Variants in SLCO1A2 observed in about 807,000 individuals in gnomAD.
SLCO1A2 encodes the protein solute carrier organic anion transporter family member 1A2.
A neutral mutation model predicts 69.0 loss-of-function variants in SLCO1A2; 67 were observed. The ratio of observed to expected loss-of-function variants is 0.97; its 90% CI spans 0.80 to 1.19. The LOEUF is 1.19. Among genes scored for constraint, SLCO1A2 ranks in the 50% most tolerant of loss-of-function variants. The pLI is 0.00. For synonymous variants in SLCO1A2, 260 were observed against 265.9 expected (o/e 0.98, Z 0.22); for missense variants, 787 against 793.7 (o/e 0.99, Z 0.10).
At chr12:21,305,226 C>T (rs191582385) in intron 5 of SLCO1A2, among the ~76,000 whole-genome samples, 2 of 152,268 alleles carry the variant, frequency 1.3e-5, no homozygotes, top group Admixed American at 1.3e-4. Flanking sequence ...GTAACAAAGA[C>T]TAGACCAAAG....
At chr12:21,316,819 T>C (rs1950924723) in intron 3 of SLCO1A2, among the ~76,000 whole-genome samples, 1 of 152,162 alleles carries the variant, frequency 6.6e-6, no homozygotes, top group Non-Finnish European at 1.5e-5. Context: ...GCCCAGATAG[T>C]TCCCCAGTGC....
chr12:21,299,849 TAC>T lies in SLCO1A2; in HGVS notation c.910+497_910+498del, dbSNP rs1948404369. Among the ~76,000 whole-genome samples the T allele has an allele frequency of 2.1e-5, 3 of 140,540 alleles. No individual in the cohort carries two copies. The South Asian group carries it at 6.6e-4, about 31-fold the overall frequency. The allele number at this position is 140,540 out of a possible 152,430, so 92.2% of individuals were successfully genotyped here. ...ACACACACATATATGTGTATATATATACGTGTATATATATATACGTGTGTGTA... is the reference window on the plus strand; with the variant it reads ...ACACACACATATATGTGTATATATATGTGTATATATATATACGTGTGTGTA... On this transcript the variant is annotated intron_variant, in intron 8 of 14. Coordinates refer to ENST00000683939, the MANE Select transcript of SLCO1A2 (RefSeq NM_001386879.1).
rs1242213132 is a variant in SLCO1A2 at position 21,264,944 on chromosome 12, C to T, written c.*4604G>A. 1 of 152,530 alleles carries T rather than the reference C, an allele frequency of 6.6e-6. No homozygotes were observed. Among genetic ancestry groups the T allele is most frequent in the African/African-American group, 2.4e-5 (1 of 41,566 alleles). The allele number at this position is 152,530 out of a possible 1,614,324, so 9.4% of individuals were successfully genotyped here. On this transcript the variant is annotated 3_prime_UTR_variant, in exon 15 of 15. Transcript: ENST00000683939. The stretch of plus-strand genomic sequence containing the variant: ...ACAATGGAGGCACTGCCCATCTTCC[C>T]ATGACTCTCTGAAACAGGCATGATG...
intron 14 of SLCO1A2, among the ~76,000 whole-genome samples, chr12:21,270,717 T>C (rs1942650141): frequency 7.7e-6 from 1 of 129,512 alleles, no homozygotes; most frequent in Non-Finnish European, 1.6e-5. Flanking sequence ...TCTGGTAATA[T>C]ATAATTAATT....
intron 9 of SLCO1A2, among the ~76,000 whole-genome samples, chr12:21,296,018 A>G (rs916132524): frequency 6.6e-6 from 1 of 152,198 alleles, no homozygotes; most frequent in Non-Finnish European, 1.5e-5. Context: ...TTATTATATT[A>G]TCATTCATTT....
upstream of SLCO1A2, among the ~76,000 whole-genome samples, chr12:21,395,865 C>T (rs1356452386): frequency 1.3e-5 from 2 of 152,072 alleles, no homozygotes; most frequent in Middle Eastern, 3.4e-3. Context: ...CACCAAAAAC[C>T]CATCTGTACA....
intron 1 of SLCO1A2, among the ~76,000 whole-genome samples, chr12:21,376,718 A>G (rs1243640859): frequency 6.6e-6 from 1 of 152,076 alleles, no homozygotes; most frequent in Non-Finnish European, 1.5e-5. Flanking sequence ...GGCTATCTCT[A>G]CTTAGAGATA....
At chr12:21,353,898 T>A (rs189880094) in intron 2 of SLCO1A2, among the ~76,000 whole-genome samples, 1 of 152,290 alleles carries the variant, frequency 6.6e-6, no homozygotes, top group East Asian at 1.9e-4. Flanking sequence ...AGTAAGTAAT[T>A]TTTTAACTTC....
chr12:21,337,084 CAAAT>C (rs1177639927), upstream of SLCO1A2, among the ~76,000 whole-genome samples: 24 of 152,104 alleles, frequency 1.6e-4, no homozygotes, highest in African/African-American at 5.5e-4. Flanking sequence ...AAAAAACACA[CAAAT>C]AAGAGGAACT....
chr12:21,413,416 AT>A (rs1941943760), intron 1 of SLCO1A2, among the ~76,000 whole-genome samples: 1 of 150,930 alleles, frequency 6.6e-6, no homozygotes, highest in South Asian at 2.1e-4. Flanking sequence ...TAATTTTTGT[AT>A]TTTTAGTAGA....
chr12:21,370,980 G>C (rs1253755384), intron 2 of SLCO1A2, among the ~76,000 whole-genome samples: 2 of 152,224 alleles, frequency 1.3e-5, no homozygotes, highest in Non-Finnish European at 2.9e-5. Flanking sequence ...CGGTGTTACA[G>C]CTCTGGCATT....
At chr12:21,366,011 A>G (rs1272098090) in intron 2 of SLCO1A2, among the ~76,000 whole-genome samples, 1 of 152,238 alleles carries the variant, frequency 6.6e-6, no homozygotes, top group Non-Finnish European at 1.5e-5. Context: ...AGTATCTTGA[A>G]CTAGAAATAC....
intron 12 of SLCO1A2, among the ~76,000 whole-genome samples, chr12:21,276,334 T>G (rs1943815906): frequency 6.6e-6 from 1 of 151,610 alleles, no homozygotes; most frequent in Non-Finnish European, 1.5e-5. Flanking sequence ...GTACCACACA[T>G]ATACATATAT....
chr12:21,266,605 A>G lies in SLCO1A2; in HGVS notation c.*2943T>C, dbSNP rs1191605657. The G allele has an allele frequency of 1.3e-5, 2 of 152,206 alleles. No homozygotes were observed. The highest frequency in any genetic ancestry group is 1.3e-4 in the Admixed American group (2 of 15,262). 9.4% of individuals were successfully genotyped at this position (152,206 alleles called of 1,614,324 possible). On this transcript the variant is annotated 3_prime_UTR_variant, in exon 15 of 15. Transcript: ENST00000683939. ...TGGTTCTGTCTCCATGTCTATATAC[A>G]CAATGATCGCCCTTCTGGGAGGAGG... is the stretch of plus-strand genomic sequence containing the variant.
At chr12:21,387,943 G>C (rs117936734) in intron 1 of SLCO1A2, among the ~76,000 whole-genome samples, 7 of 152,202 alleles carry the variant, frequency 4.6e-5, no homozygotes, top group African/African-American at 9.7e-5. Flanking sequence ...GCATCAGCAC[G>C]ACCTGTATGT....
At chr12:21,400,971 T>C (rs1182337333) in intron 1 of SLCO1A2, among the ~76,000 whole-genome samples, 6 of 150,494 alleles carry the variant, frequency 4.0e-5, no homozygotes, top group Non-Finnish European at 7.4e-5. Flanking sequence ...GGCACATGTA[T>C]ACATATGTAA....
intron 2 of SLCO1A2, among the ~76,000 whole-genome samples, chr12:21,329,565 T>C (rs189595411): frequency 2.2e-4 from 33 of 151,984 alleles, no homozygotes; most frequent in Admixed American, 2.2e-3. Flanking sequence ...CTCGGGAGCA[T>C]AATCCATCTC....
intron 3 of SLCO1A2, among the ~76,000 whole-genome samples, chr12:21,315,466 T>C (rs1370045377): frequency 6.6e-6 from 1 of 152,240 alleles, no homozygotes; most frequent in Non-Finnish European, 1.5e-5. Flanking sequence ...AAACCATACA[T>C]TTTTAATTCA....
rs556185739 is a variant in SLCO1A2 at position 21,280,468 on chromosome 12, G to A, written c.1611-5044C>T. 9.2e-5 allele frequency among the ~76,000 whole-genome samples: 14 copies of A among 152,082 alleles called. No homozygotes were observed. In the South Asian group the frequency reaches 2.9e-3, roughly 32 times the overall value. ...CAAAATAGATTTTAAGAAAAAAACT[G>A]TAAGAAGAGACGAAGAAGATCATTA... On this transcript the variant is annotated intron_variant, in intron 12 of 14. Transcript: ENST00000683939.
Sources: allele counts gnomAD v4.1 joint callset (sites outside exome capture counted in the v4.1 genomes callset), GRCh38; gene constraint gnomAD v4.1.1; transcripts MANE v1.5; gene names NCBI Gene and HGNC (gene_info 2026-07-23, HGNC 2026-07-21).